XKR6: variants seen among roughly 807,000 people sequenced by gnomAD.
XKR6 encodes the protein XK-related protein 6.
In XKR6, 22 loss-of-function variants were observed where a neutral mutation model predicts 56.7. That is an observed-to-expected ratio of 0.39 (90% CI 0.28 to 0.55). The LOEUF (loss-of-function observed/expected upper bound fraction) is 0.55. Among genes scored for constraint, XKR6 ranks in the 20% least tolerant of loss-of-function variants. The pLI is 0.66. For synonymous variants in XKR6, 524 were observed against 387.8 expected (o/e 1.35, Z -4.13); for missense variants, 852 against 889.0 (o/e 0.96, Z 0.53).
At chr8:10,926,130 C>A (rs994299782) in intron 1 of XKR6, among the ~76,000 whole-genome samples, 1 of 152,212 alleles carries the variant, frequency 6.6e-6, no homozygotes, top group Non-Finnish European at 1.5e-5. Context: ...GCATGGCTGA[C>A]ACCCTATCCA....
chr8:11,196,698 G>A (rs1457923394), intron 1 of XKR6, among the ~76,000 whole-genome samples: 1 of 152,234 alleles, frequency 6.6e-6, no homozygotes, highest in South Asian at 2.1e-4. Context: ...GGGTTCCCAC[G>A]TGATCACTTG....
intron 1 of XKR6, chr8:11,137,678 A>C (rs753670419): frequency 6.6e-6 from 3 of 456,186 alleles, no homozygotes; most frequent in Admixed American, 2.3e-5. Flanking sequence ...GTGGAGCACA[A>C]GCAGCGGAGA....
intron 1 of XKR6, among the ~76,000 whole-genome samples, chr8:11,015,936 T>C (rs1308917969): frequency 6.6e-6 from 1 of 152,008 alleles, no homozygotes; most frequent in Non-Finnish European, 1.5e-5. Context: ...AAGTCCCGAC[T>C]CCTGCGGACT....
chr8:11,018,988 C>A (rs1798688765), intron 1 of XKR6, among the ~76,000 whole-genome samples: 1 of 152,192 alleles, frequency 6.6e-6, no homozygotes, highest in African/African-American at 2.4e-5. Context: ...TCCGTGTTCA[C>A]TTCCTCAAGC....
intron 1 of XKR6, among the ~76,000 whole-genome samples, chr8:11,065,485 C>T (rs752144055): frequency 6.6e-6 from 1 of 152,188 alleles, no homozygotes; most frequent in African/African-American, 2.4e-5. Flanking sequence ...CATTTAGGTT[C>T]TGTGGCCGTG....
intron 1 of XKR6, among the ~76,000 whole-genome samples, chr8:11,185,363 C>T (rs76123800): frequency 0.045 from 6,811 of 152,266 alleles, 217 homozygotes; most frequent in Non-Finnish European, 0.069. Flanking sequence ...AAATATGCCA[C>T]AGAAACTTAA....
chr8:11,155,103 CTGCT>C (rs1219568988), intron 1 of XKR6, among the ~76,000 whole-genome samples: 1 of 152,232 alleles, frequency 6.6e-6, no homozygotes, highest in East Asian at 1.9e-4. Flanking sequence ...CCACTGGCAC[CTGCT>C]TCACCAGTCT....
At chr8:11,045,161 A>C (rs1799379608) in intron 1 of XKR6, among the ~76,000 whole-genome samples, 1 of 123,670 alleles carries the variant, frequency 8.1e-6, no homozygotes, top group East Asian at 2.4e-4. Context: ...ATCTCAGCTC[A>C]TTGCAACCTC....
intron 1 of XKR6, among the ~76,000 whole-genome samples, chr8:10,970,977 C>A (rs762913753): frequency 4.6e-5 from 7 of 151,704 alleles, no homozygotes; most frequent in Non-Finnish European, 1.0e-4. Flanking sequence ...CCCTTTTTGT[C>A]TCAGCTGCCA....
At chr8:11,161,509 C>G (rs1187115384) in intron 1 of XKR6, among the ~76,000 whole-genome samples, 2 of 152,222 alleles carry the variant, frequency 1.3e-5, no homozygotes, top group Non-Finnish European at 2.9e-5. Context: ...CAACTAAACT[C>G]AGTAGGTGCT....
At chr8:11,178,561 T>TATAC in intron 1 of XKR6, among the ~76,000 whole-genome samples, 1 of 142,800 alleles carries the variant, frequency 7.0e-6, no homozygotes, top group African/African-American at 2.6e-5. Flanking sequence ...TATATATATA[T>TATAC]ATATATATAT....
intron 1 of XKR6, among the ~76,000 whole-genome samples, chr8:10,933,801 C>A (rs1293814961): frequency 6.8e-6 from 1 of 146,260 alleles, no homozygotes; most frequent in African/African-American, 2.6e-5. Context: ...GTGACTGTAG[C>A]CTTGTAGTAT....
chr8:10,957,106 A>G (rs1322202175), intron 1 of XKR6, among the ~76,000 whole-genome samples: 1 of 152,004 alleles, frequency 6.6e-6, no homozygotes, highest in Non-Finnish European at 1.5e-5. Flanking sequence ...ACGTGCCACC[A>G]TGCCCGTTTA....
intron 1 of XKR6, among the ~76,000 whole-genome samples, chr8:11,132,908 A>G (rs1800184305): frequency 6.6e-6 from 1 of 152,132 alleles, no homozygotes; most frequent in South Asian, 2.1e-4. Flanking sequence ...TAAATGCTCT[A>G]AAGACAAAAG....
In XKR6 at chr8:11,075,102, C is replaced by T. The variant is rs796620935; in HGVS notation, c.764+125474G>A. The stretch of plus-strand genomic sequence containing the variant: ...TGGGGAGGGAAGAGGATGCTGCCCC[C>T]GCCCTGCAGAGGCTCCCATAAGGAG... On this transcript the variant is annotated intron_variant, in intron 1 of 2. Transcript: ENST00000416569. Among the ~76,000 whole-genome samples, 9 of 152,238 alleles carry T rather than the reference C, an allele frequency of 5.9e-5. 1 individual carries two copies. The highest frequency in any genetic ancestry group is 1.9e-4 in the East Asian group (1 of 5,164).
rs1802779230 is a variant in XKR6 at position 11,178,547 on chromosome 8, A to ATATATATATAT, written c.764+22028_764+22029insATATATATATA. Among the ~76,000 whole-genome samples the ATATATATATAT allele has an allele frequency of 3.1e-3, 277 of 88,386 alleles. 6 individuals carry two copies. Among genetic ancestry groups the ATATATATATAT allele is most frequent in the African/African-American group, 0.015 (262 of 17,096 alleles). 58.0% of individuals were successfully genotyped at this position (88,386 alleles called of 152,430 possible). On this transcript the variant is annotated intron_variant, in intron 1 of 2. Transcript: ENST00000416569. Reference sequence around the variant, plus strand: ...TAAGTCCAAACATCTGAGAGGTAAAAATATATATATATATATATATATATA... The same window carrying ATATATATATAT: ...TAAGTCCAAACATCTGAGAGGTAAAATATATATATATATATATATATATATATATATATATA...
chr8:11,126,235 A>G (rs1358798249), intron 1 of XKR6, among the ~76,000 whole-genome samples: 1 of 151,748 alleles, frequency 6.6e-6, no homozygotes, highest in Non-Finnish European at 1.5e-5. Context: ...CGCCCGGCTA[A>G]TTTTTGTATT....
intron 1 of XKR6, among the ~76,000 whole-genome samples, chr8:10,949,193 T>C (rs554830574): frequency 6.8e-4 from 103 of 152,338 alleles, no homozygotes; most frequent in African/African-American, 2.2e-3. Flanking sequence ...ATCACCCCCC[T>C]ACTCCCGCTT....
intron 1 of XKR6, among the ~76,000 whole-genome samples, chr8:11,100,614 G>A (rs889450466): frequency 2.0e-5 from 3 of 152,160 alleles, no homozygotes; most frequent in African/African-American, 7.2e-5. Flanking sequence ...CTACAACTAA[G>A]ACAGCATTCA....
Sources: allele counts gnomAD v4.1 joint callset (sites outside exome capture counted in the v4.1 genomes callset), GRCh38; gene constraint gnomAD v4.1.1; transcripts MANE v1.5; gene names NCBI Gene and HGNC (gene_info 2026-07-23, HGNC 2026-07-21).